COPS2: variants seen among roughly 807,000 people sequenced by gnomAD.
COPS2 encodes COP9 signalosome subunit 2.
COPS2 carries 10 observed loss-of-function variants against 66.1 expected under a neutral mutation model. That is an observed-to-expected ratio of 0.15 (90% CI 0.09 to 0.26). COPS2 has a LOEUF of 0.26. Ranked by LOEUF, COPS2 falls within the 10% of genes least tolerant of loss-of-function variation. The probability of loss-of-function intolerance (pLI) is 1.00; values close to 1 mark genes in which losing one functional copy is unlikely to be tolerated. For missense variants in COPS2, 215 were observed against 513.3 expected (o/e 0.42, Z 5.62); for synonymous variants, 179 against 171.3 (o/e 1.04, Z -0.35).
At chr15:49,147,460 T>C (rs1343539405) in intron 1 of COPS2, among the ~76,000 whole-genome samples, 2 of 152,074 alleles carry the variant, frequency 1.3e-5, no homozygotes, top group South Asian at 4.1e-4. Flanking sequence ...AAGGTATACA[T>C]GACAACAGTA....
chr15:49,130,605 A>C (rs2084200484), intron 10 of COPS2, 114 bp downstream of exon 10: 2 of 576,790 alleles, frequency 3.5e-6, no homozygotes, highest in Non-Finnish European at 6.2e-6. Context: ...AAACATATCT[A>C]TACTTTGCAA....
Position 49,124,524 on chromosome 15 carries a change from A to C in COPS2, c.*3426T>G, listed in dbSNP as rs1427792669. The C allele has an allele frequency of 6.6e-6, 1 of 152,198 alleles. No homozygotes were observed. Among genetic ancestry groups the C allele is most frequent in the Non-Finnish European group, 1.5e-5 (1 of 68,024 alleles). 9.4% of individuals were successfully genotyped at this position (152,198 alleles called of 1,614,324 possible). On this transcript the variant is annotated 3_prime_UTR_variant, in exon 13 of 13. Coordinates refer to ENST00000388901, the MANE Select transcript of COPS2 (RefSeq NM_004236.4). ...AGAGGAAAATTTTAATTGTGGTCAC[A>C]TAAATGAAGACCAAATGCCTTTTGC...
At position 49,133,629 on chromosome 15, in the gene COPS2, C is replaced by A. The variant is rs185312644; in HGVS notation, c.947+130G>T. On this transcript the variant is annotated intron_variant, in intron 9 of 12. Transcript: ENST00000388901. ...TAAATAACCTCAGAAGATAAAAATT[C>A]TACAAACTTTTCTAAGAAAATACAA... The A allele has an allele frequency of 4.7e-4, 288 of 608,450 alleles. 2 individuals are homozygous for A. Among genetic ancestry groups the A allele is most frequent in the Non-Finnish European group, 1.9e-4 (66 of 355,714 alleles). The allele number at this position is 608,450 out of a possible 1,614,324, so 37.7% of individuals were successfully genotyped here. A position where few individuals can be genotyped will look rare whatever the true frequency, so the allele number is the denominator to read the frequency against.
chr15:49,144,871 A>T lies in COPS2; in HGVS notation c.168+94T>A, dbSNP rs1379827135. ...CTGATAGGATAATTAAGTATTCAAA[A>T]CACATTTCTGAGATAAAATCACCTG... On this transcript the variant is annotated intron_variant, in intron 2 of 12. Transcript: ENST00000388901. 3 of 682,842 alleles carry T rather than the reference A, an allele frequency of 4.4e-6. No homozygotes were observed. In the Admixed American group the frequency reaches 8.8e-5, roughly 20 times the overall value. 42.3% of individuals were successfully genotyped at this position (682,842 alleles called of 1,614,324 possible).
Position 49,128,903 on chromosome 15 carries a change from C to T in COPS2, c.1129-143G>A, listed in dbSNP as rs1006369565. ...TTTTAAACATATTTCATTATCACTT[C>T]AAAATATATCCGAGAACACAGGTAT... is the stretch of plus-strand genomic sequence containing the variant. On this transcript the variant is annotated intron_variant, in intron 11 of 12. Transcript: ENST00000388901. The T allele has an allele frequency of 2.5e-5, 14 of 559,554 alleles. No homozygotes were observed. The African/African-American group carries it at 2.7e-4, about 11-fold the overall frequency. 34.7% of individuals were successfully genotyped at this position (559,554 alleles called of 1,614,324 possible).
chr15:49,142,192 T>G (rs984485834), intron 3 of COPS2, among the ~76,000 whole-genome samples: 1 of 152,124 alleles, frequency 6.6e-6, no homozygotes, highest in Non-Finnish European at 1.5e-5. Flanking sequence ...GCAGTAGGAG[T>G]AGAAAGGGTA....
intron 7 of COPS2, 57 bp downstream of exon 7, chr15:49,134,279 TTTAA>T: frequency 8.4e-6 from 13 of 1,540,604 alleles, no homozygotes; most frequent in African/African-American, 1.4e-5. Flanking sequence ...AAAGCAAGAG[TTTAA>T]TTAAACACTT....
chr15:49,137,617 A>G (rs1292966272), intron 4 of COPS2, 180 bp from the exon 5 acceptor site: 5 of 534,952 alleles, frequency 9.3e-6, no homozygotes, highest in Non-Finnish European at 1.6e-5. Context: ...TACAGACCAA[A>G]TTTACAAGTA....
intron 1 of COPS2, among the ~76,000 whole-genome samples, chr15:49,152,152 A>AT (rs2084366907): frequency 1.3e-5 from 2 of 149,896 alleles, no homozygotes; most frequent in South Asian, 4.2e-4. Flanking sequence ...AATTACGCAC[A>AT]TTTTTTAAAT....
chr15:49,155,446 A>T, intron 1 of COPS2, 79 bp downstream of exon 1: 1 of 1,334,502 alleles, frequency 7.5e-7, no homozygotes, highest in Non-Finnish European at 1.1e-6. Context: ...CTCTACGGGG[A>T]GAGGCCGCGG....
chr15:49,130,687 G>A (rs752334901), intron 10 of COPS2, 32 bp downstream of exon 10: 4 of 1,302,554 alleles, frequency 3.1e-6, no homozygotes, highest in Non-Finnish European at 4.4e-6. Context: ...GGCAAAGAAA[G>A]TAATAGAATC....
intron 6 of COPS2, among the ~76,000 whole-genome samples, chr15:49,135,268 G>C (rs1013822454): frequency 1.3e-5 from 2 of 152,104 alleles, no homozygotes; most frequent in Non-Finnish European, 2.9e-5. Context: ...TTTTTATCTA[G>C]GAGATTTATT....
At chr15:49,139,283 A>C (rs1400649547) in intron 4 of COPS2, 1 of 359,486 alleles carries the variant, frequency 2.8e-6, no homozygotes, top group African/African-American at 2.1e-5. Context: ...AAGCCTGAAA[A>C]GTTGTTTACA....
At chr15:49,138,919 T>C (rs1382068887) in intron 4 of COPS2, among the ~76,000 whole-genome samples, 2 of 152,182 alleles carry the variant, frequency 1.3e-5, no homozygotes, top group Admixed American at 6.5e-5. Context: ...AATGATCCAA[T>C]TAAAAATTAT....
At position 49,127,746 on chromosome 15, in the gene COPS2, G is replaced by A; in HGVS notation, c.*204C>T. The A allele has an allele frequency of 1.9e-6, 1 of 519,814 alleles. No homozygotes were observed. Among genetic ancestry groups the A allele is most frequent in the Non-Finnish European group, 3.4e-6 (1 of 298,430 alleles). 32.2% of individuals were successfully genotyped at this position (519,814 alleles called of 1,614,324 possible). A position where few individuals can be genotyped will look rare whatever the true frequency, so the allele number is the denominator to read the frequency against. On this transcript the variant is annotated 3_prime_UTR_variant, in exon 13 of 13. Coordinates refer to ENST00000388901, the MANE Select transcript of COPS2 (RefSeq NM_004236.4). ...ACAGCATAAATCCCATGGTATTTTG[G>A]TTTTCTTCTGGAGATTAAAGCTGTT...
rs369816020 is a variant in COPS2, at chr15:49,124,085, G to C, written c.*3865C>G. 3.3e-4 allele frequency: 50 copies of C among 152,278 alleles called. No homozygotes were observed. The highest frequency in any genetic ancestry group is 1.1e-3 in the African/African-American group (45 of 41,556). 9.4% of individuals were successfully genotyped at this position (152,278 alleles called of 1,614,324 possible). A position where few individuals can be genotyped will look rare whatever the true frequency, so the allele number is the denominator to read the frequency against. Reference sequence around the variant, plus strand: ...TTCTGCCAAATTCCTGCTTAAAACTGTATCAGGCTGGGCGTGGTGGCTCAC... The same window carrying C: ...TTCTGCCAAATTCCTGCTTAAAACTCTATCAGGCTGGGCGTGGTGGCTCAC... On this transcript the variant is annotated 3_prime_UTR_variant, in exon 13 of 13. Coordinates refer to ENST00000388901, the MANE Select transcript of COPS2 (RefSeq NM_004236.4).
intron 4 of COPS2, among the ~76,000 whole-genome samples, chr15:49,138,117 AT>A (rs1182538351): frequency 6.6e-6 from 1 of 152,202 alleles, no homozygotes; most frequent in African/African-American, 2.4e-5. Flanking sequence ...GTCTAGTATA[AT>A]TTTAGCTATG....
Position 49,133,852 on chromosome 15 carries a change from A to T in COPS2, c.895-41T>A, listed in dbSNP as rs2084233337. The T allele has an allele frequency of 5.2e-6, 8 of 1,546,298 alleles. 1 individual carries two copies. In the African/African-American group the frequency reaches 9.8e-5, roughly 19 times the overall value. On this transcript the variant is annotated intron_variant, in intron 8 of 12. Coordinates refer to ENST00000388901, the MANE Select transcript of COPS2 (RefSeq NM_004236.4). Reference sequence around the variant, plus strand: ...AAAAAAATTAAATATATGTACAAAGAAACAACATTTTAAAAAAAGAAATAA... The same window carrying T: ...AAAAAAATTAAATATATGTACAAAGTAACAACATTTTAAAAAAAGAAATAA...
chr15:49,154,016 A>T (rs1397250648), intron 1 of COPS2, among the ~76,000 whole-genome samples: 1 of 152,210 alleles, frequency 6.6e-6, no homozygotes, highest in Non-Finnish European at 1.5e-5. Context: ...ATATTTCAAA[A>T]TATCTAGAAG....
Sources: allele counts gnomAD v4.1 joint callset (sites outside exome capture counted in the v4.1 genomes callset), GRCh38; gene constraint gnomAD v4.1.1; transcripts MANE v1.5; gene names NCBI Gene and HGNC (gene_info 2026-07-23, HGNC 2026-07-21).